RAB39B: variants seen among roughly 807,000 people sequenced by gnomAD.
RAB39B encodes ras-related protein Rab-39B.
For missense variants in RAB39B, 68 were observed against 171.3 expected (o/e 0.40, Z 3.37); for synonymous variants, 63 against 67.5 (o/e 0.93, Z 0.33).
chrX:155,260,156 C>T lies in RAB39B; in HGVS notation c.*647G>A, dbSNP rs1462776866. 1 of 112,755 alleles carries T rather than the reference C, an allele frequency of 8.9e-6. No homozygotes were observed. Among genetic ancestry groups the T allele is most frequent in the African/African-American group, 3.2e-5 (1 of 30,886 alleles). 9.3% of individuals were successfully genotyped at this position (112,755 alleles called of 1,213,427 possible). The stretch of plus-strand genomic sequence containing the variant: ...TGTTTCATACAGCTGGTAATTCTAT[C>T]ACAAGGGTGTTCATTTTCTGAAATG... On this transcript the variant is annotated 3_prime_UTR_variant, in exon 2 of 2. Transcript: ENST00000369454.
In RAB39B at chrX:155,260,757, T is replaced by G; in HGVS notation, c.*46A>C. 8.8e-7 allele frequency: 1 copy of G among 1,133,730 alleles called. No individual in the cohort carries two copies. The highest frequency in any genetic ancestry group is 1.2e-6 in the Non-Finnish European group (1 of 824,432). The allele number at this position is 1,133,730 out of a possible 1,213,427, so 93.4% of individuals were successfully genotyped here. On this transcript the variant is annotated 3_prime_UTR_variant, in exon 2 of 2. Coordinates refer to ENST00000369454, the MANE Select transcript of RAB39B (RefSeq NM_171998.4). ...CAAAGATTCTATTTATTTCTCTTAC[T>G]TTTCAGTTCAAGTAGGAGAGCATGT...
intron 1 of RAB39B, among the ~76,000 whole-genome samples, chrX:155,263,397 G>A (rs1200553711): frequency 8.9e-6 from 1 of 112,345 alleles, no homozygotes; most frequent in Non-Finnish European, 1.9e-5. Context: ...GTAGGGAGTG[G>A]GCATACAAAT....
At chrX:155,262,458 GAACA>G (rs782399922) in intron 1 of RAB39B, among the ~76,000 whole-genome samples, 9 of 112,262 alleles carry the variant, frequency 8.0e-5, no homozygotes, top group Non-Finnish European at 1.5e-4. Flanking sequence ...ATTTAGACAT[GAACA>G]AACAAAGGTT....
Position 155,260,545 on chromosome X carries a change from G to A in RAB39B, c.*258C>T. 4 of 406,376 alleles carry A rather than the reference G, an allele frequency of 9.8e-6. No individual in the cohort carries two copies. The highest frequency in any genetic ancestry group is 1.7e-5 in the Non-Finnish European group (4 of 231,490). 33.5% of individuals were successfully genotyped at this position (406,376 alleles called of 1,213,427 possible). On this transcript the variant is annotated 3_prime_UTR_variant, in exon 2 of 2. Coordinates refer to ENST00000369454, the MANE Select transcript of RAB39B (RefSeq NM_171998.4). ...GCCTTTAACATGTGGTCCACAAAGG[G>A]CTCATGGAGCAGCCACTGCCTAGCA...
chrX:155,260,779 A>G lies in RAB39B; in HGVS notation c.*24T>C. On this transcript the variant is annotated 3_prime_UTR_variant, in exon 2 of 2. Transcript: ENST00000369454. Reference sequence around the variant, plus strand: ...TACTTTTCAGTTCAAGTAGGAGAGCATGTTTTGGAAATAAAAGAACTGACT... The same window carrying G: ...TACTTTTCAGTTCAAGTAGGAGAGCGTGTTTTGGAAATAAAAGAACTGACT... 1 of 1,188,787 alleles carries G rather than the reference A, an allele frequency of 8.4e-7. No homozygotes were observed. Among genetic ancestry groups the G allele is most frequent in the Non-Finnish European group, 1.1e-6 (1 of 874,370 alleles).
chrX:155,261,061 A>T lies in RAB39B; in HGVS notation c.384T>A (p.Asp128Glu). 8.3e-7 allele frequency: 1 copy of T among 1,211,623 alleles called. No homozygotes were observed. Among genetic ancestry groups the T allele is most frequent in the Non-Finnish European group, 1.1e-6 (1 of 895,454 alleles). The change falls in exon 2 of 2, where the codon GAT becomes GAA. Residue 128 changes from aspartate to glutamate, a missense_variant. Coordinates refer to ENST00000369454, the MANE Select transcript of RAB39B (RefSeq NM_171998.4). ...CGTGGCGAGTCACTTGCCTCTGTGT[A>T]TCCAGGTCACACTTGTGACCCACCA... ...FVLVGHKCDL[D>E]TQRQVTRHEA...
rs1444403550 is a variant in RAB39B at position 155,259,577 on chromosome X, G to A, written c.*1226C>T. 6 of 112,279 alleles carry A rather than the reference G, an allele frequency of 5.3e-5. No individual in the cohort carries two copies. Among genetic ancestry groups the A allele is most frequent in the Non-Finnish European group, 3.8e-5 (2 of 53,268 alleles). The allele number at this position is 112,279 out of a possible 1,213,427, so 9.3% of individuals were successfully genotyped here. A position where few individuals can be genotyped will look rare whatever the true frequency, so the allele number is the denominator to read the frequency against. On this transcript the variant is annotated 3_prime_UTR_variant, in exon 2 of 2. Transcript: ENST00000369454. The stretch of plus-strand genomic sequence containing the variant: ...TGTTTAAAGCCCTCTTGTCAATAAT[G>A]CCTGAATGGGCTTTACCTTTGATTC...
intron 1 of RAB39B, among the ~76,000 whole-genome samples, chrX:155,262,551 CATTA>C (rs2074857090): frequency 8.9e-6 from 1 of 112,275 alleles, no homozygotes; most frequent in South Asian, 3.7e-4. Flanking sequence ...TATATTATTA[CATTA>C]ATTGTTTGTG....
intron 1 of RAB39B, among the ~76,000 whole-genome samples, chrX:155,263,212 C>T (rs782396449): frequency 1.8e-4 from 20 of 112,090 alleles, no homozygotes; most frequent in Non-Finnish European, 3.2e-4. Context: ...CATACTCATC[C>T]GGTCTCATCT....
At position 155,258,349 on chromosome X, in the gene RAB39B, T is replaced by A. The variant is rs1269775354; in HGVS notation, c.*2454A>T. On this transcript the variant is annotated 3_prime_UTR_variant, in exon 2 of 2. Transcript: ENST00000369454. ...GTGCACAACAAAGTGAGGAAAAGTA[T>A]ACAGTACATTTTATTCTGAAATATG... is the stretch of plus-strand genomic sequence containing the variant. 2 of 112,685 alleles carry A rather than the reference T, an allele frequency of 1.8e-5. No individual in the cohort carries two copies. Among genetic ancestry groups the A allele is most frequent in the Non-Finnish European group, 3.7e-5 (2 of 53,346 alleles). 9.3% of individuals were successfully genotyped at this position (112,685 alleles called of 1,213,427 possible).
At position 155,264,085 on chromosome X, in the gene RAB39B, T is replaced by C. The variant is rs1557314528; in HGVS notation, c.204A>G (p.Gln68=). The C allele has an allele frequency of 8.3e-7, 1 of 1,211,139 alleles. No individual in the cohort carries two copies. The highest frequency in any genetic ancestry group is 1.1e-6 in the Non-Finnish European group (1 of 895,189). Residue 68 remains glutamine, a synonymous_variant, in exon 1 of 2, where the codon CAA becomes CAG. Transcript: ENST00000369454. ...IKLQIWDTAG[Q]ERFRSITRAY... The stretch of plus-strand genomic sequence containing the variant: ...GACTGCGCTCCCACCTGAACCTCTC[T>C]TGACCCGCGGTATCCCAGATCTGGA...
intron 1 of RAB39B, among the ~76,000 whole-genome samples, chrX:155,263,854 G>T (rs782418349): frequency 8.9e-6 from 1 of 111,800 alleles, no homozygotes; most frequent in East Asian, 2.8e-4. Context: ...GTGGAGTTGT[G>T]GTGCAAGCAA....
rs1247404236 is a variant in RAB39B at position 155,258,995 on chromosome X, A to C, written c.*1808T>G. ...GTGGTTTGCTCATCCAACTTGGGGCACAGGTGGCAGAATAGTCTTCCATAA... is the reference window on the plus strand; with the variant it reads ...GTGGTTTGCTCATCCAACTTGGGGCCCAGGTGGCAGAATAGTCTTCCATAA... On this transcript the variant is annotated 3_prime_UTR_variant, in exon 2 of 2. Coordinates refer to ENST00000369454, the MANE Select transcript of RAB39B (RefSeq NM_171998.4). 1 of 112,192 alleles carries C rather than the reference A, an allele frequency of 8.9e-6. No homozygotes were observed. Among genetic ancestry groups the C allele is most frequent in the Admixed American group, 9.5e-5 (1 of 10,571 alleles). The allele number at this position is 112,192 out of a possible 1,213,427, so 9.2% of individuals were successfully genotyped here. A position where few individuals can be genotyped will look rare whatever the true frequency, so the allele number is the denominator to read the frequency against.
At position 155,260,420 on chromosome X, in the gene RAB39B, A is replaced by T; in HGVS notation, c.*383T>A. 2 of 172,537 alleles carry T rather than the reference A, an allele frequency of 1.2e-5. No homozygotes were observed. Among genetic ancestry groups the T allele is most frequent in the Non-Finnish European group, 2.2e-5 (2 of 89,677 alleles). The allele number at this position is 172,537 out of a possible 1,213,427, so 14.2% of individuals were successfully genotyped here. On this transcript the variant is annotated 3_prime_UTR_variant, in exon 2 of 2. Transcript: ENST00000369454. ...TGTGAAACTTTTTTCCCCTTTATGT[A>T]TTTCTTTATGTTCATGGCCTATAAG...
intron 1 of RAB39B, among the ~76,000 whole-genome samples, chrX:155,262,785 G>A (rs987306218): frequency 1.1e-4 from 12 of 112,122 alleles, no homozygotes; most frequent in Non-Finnish European, 2.3e-4. Context: ...ATAAGCAGTG[G>A]ATATGAACAG....
Position 155,260,910 on chromosome X carries a change from C to G in RAB39B, c.535G>C (p.Glu179Gln). 8.3e-7 allele frequency: 1 copy of G among 1,210,982 alleles called. No individual in the cohort carries two copies. Among genetic ancestry groups the G allele is most frequent in the Non-Finnish European group, 1.1e-6 (1 of 894,807 alleles). The change falls in exon 2 of 2, where the codon GAG becomes CAG. Residue 179 changes from glutamate (E) to glutamine (Q), a missense_variant. Physicochemically the swap from Glu to Gln is conservative, Grantham distance 29 (BLOSUM62 2). Transcript: ENST00000369454. ...TCCCAGCCCTCCTGGATTGTAATCT[C>G]CCCCCTTTTAACCAGCTCATATATG... The part of the protein sequence containing the change: ...RDIYELVKRG[E>Q]ITIQEGWEGV...
chrX:155,264,318 G>A lies in RAB39B; in HGVS notation c.-30C>T, dbSNP rs1158942837. 8.5e-7 allele frequency: 1 copy of A among 1,173,843 alleles called. No homozygotes were observed. The highest frequency in any genetic ancestry group is 2.2e-5 in the Admixed American group (1 of 45,967). ...GCGGCTCTGCAGGTCTCCTTGGCCC[G>A]GACCGGGGACGGCGGGAGGGGGCGC... On this transcript the variant is annotated 5_prime_UTR_variant, in exon 1 of 2. Transcript: ENST00000369454.
chrX:155,262,154 C>T (rs781929151), intron 1 of RAB39B, among the ~76,000 whole-genome samples: 2 of 112,032 alleles, frequency 1.8e-5, no homozygotes, highest in South Asian at 7.4e-4. Flanking sequence ...TTTGTCTCTG[C>T]AGTCACTTGC....
At chrX:155,261,972 A>G (rs1446516246) in intron 1 of RAB39B, among the ~76,000 whole-genome samples, 1 of 111,124 alleles carries the variant, frequency 9.0e-6, no homozygotes, top group African/African-American at 3.3e-5. Flanking sequence ...GTTCAGGCAA[A>G]GTGCCTCTCA....
Sources: allele counts gnomAD v4.1 joint callset (sites outside exome capture counted in the v4.1 genomes callset), GRCh38; gene constraint gnomAD v4.1.1; transcripts MANE v1.5; gene names NCBI Gene and HGNC (gene_info 2026-07-23, HGNC 2026-07-21).